TLK2: variants seen among roughly 807,000 people sequenced by gnomAD.
TLK2 encodes the protein tousled like kinase 2.
Under a neutral mutation model 117.3 loss-of-function variants are expected in TLK2, and 6 were observed. The observed-to-expected ratio is 0.05, with a 90% CI of 0.03 to 0.10. The LOEUF (loss-of-function observed/expected upper bound fraction) is 0.10. Ranked by LOEUF, TLK2 falls within the 10% of genes least tolerant of loss-of-function variation. The probability of loss-of-function intolerance (pLI) is 1.00; values close to 1 mark genes in which losing one functional copy is unlikely to be tolerated. For synonymous variants in TLK2, 257 were observed against 316.7 expected, an observed-to-expected ratio of 0.81 and a Z score of 2.00; for missense variants, 299 against 901.2, an observed-to-expected ratio of 0.33 and a Z score of 8.56.
At chr17:62,554,928 C>A (rs1402268314) in intron 9 of TLK2, among the ~76,000 whole-genome samples, 1 of 150,412 alleles carries the variant, frequency 6.6e-6, no homozygotes, top group African/African-American at 2.4e-5. Flanking sequence ...AAAAATGTGT[C>A]ACTCATAATT....
chr17:62,565,211 T>C, intron 11 of TLK2, 74 bp downstream of exon 11: 2 of 1,517,084 alleles, frequency 1.3e-6, no homozygotes, highest in African/African-American at 2.8e-5. Context: ...GTAATTGTAG[T>C]CATTAATAAT....
upstream of TLK2, among the ~76,000 whole-genome samples, chr17:62,474,264 G>C (rs1034313218): frequency 2.0e-4 from 31 of 151,338 alleles, no homozygotes; most frequent in African/African-American, 7.3e-4. Flanking sequence ...ATTTTTAGTA[G>C]AGACGGGGTT....
chr17:62,482,793 G>C (rs868847041), intron 2 of TLK2, among the ~76,000 whole-genome samples: 2 of 152,126 alleles, frequency 1.3e-5, no homozygotes, highest in African/African-American at 4.8e-5. Context: ...TTGAGCACCT[G>C]CTGTATGCTA....
intron 15 of TLK2, among the ~76,000 whole-genome samples, chr17:62,585,399 G>A (rs1343657997): frequency 6.6e-6 from 1 of 152,184 alleles, no homozygotes; most frequent in African/African-American, 2.4e-5. Context: ...TTAGCCGGGC[G>A]TGATGGTGCG....
intron 7 of TLK2, among the ~76,000 whole-genome samples, chr17:62,540,064 T>G (rs1366126212): frequency 6.7e-6 from 1 of 149,976 alleles, no homozygotes; most frequent in Non-Finnish European, 1.5e-5. Flanking sequence ...CTCTTCTTCT[T>G]TCTCCTTTCT....
chr17:62,477,269 C>T (rs1173526397), upstream of TLK2, among the ~76,000 whole-genome samples: 2 of 152,102 alleles, frequency 1.3e-5, no homozygotes, highest in Non-Finnish European at 2.9e-5. Flanking sequence ...TCCATCTTGC[C>T]CTCTTTTCCT....
intron 2 of TLK2, among the ~76,000 whole-genome samples, chr17:62,509,115 G>T (rs1252584810): frequency 6.6e-6 from 1 of 152,024 alleles, no homozygotes; most frequent in African/African-American, 2.4e-5. Flanking sequence ...TCGAGACAGG[G>T]TCTTGCTCTG....
chr17:62,587,510 C>A (rs889514975), intron 16 of TLK2, among the ~76,000 whole-genome samples: 1 of 152,110 alleles, frequency 6.6e-6, no homozygotes, highest in Non-Finnish European at 1.5e-5. Flanking sequence ...CTAGCCTGGT[C>A]CAAGGCAACT....
intron 1 of TLK2, among the ~76,000 whole-genome samples, chr17:62,472,861 G>A (rs3763492): frequency 0.044 from 6,719 of 152,142 alleles, 272 homozygotes; most frequent in South Asian, 0.21. Flanking sequence ...AATTGATTTT[G>A]CCTGATCTGA....
At chr17:62,612,238 T>C in intron 21 of TLK2, 154 bp from the exon 22 acceptor site, 1 of 691,138 alleles carries the variant, frequency 1.4e-6, no homozygotes, top group South Asian at 2.1e-5. Flanking sequence ...CTTGTGTTCT[T>C]TGGGTCTGCC....
At chr17:62,478,213 C>CG (rs2071148506), upstream of TLK2, 1 of 151,828 alleles carries the variant, frequency 6.6e-6, no homozygotes, top group South Asian at 2.1e-4. Context: ...CGGGCGCCTC[C>CG]GGGAAGTCCG....
At chr17:62,570,159 T>G (rs1168198075) in intron 11 of TLK2, among the ~76,000 whole-genome samples, 1 of 152,216 alleles carries the variant, frequency 6.6e-6, no homozygotes, top group Non-Finnish European at 1.5e-5. Flanking sequence ...ATTCACCCTA[T>G]TTCCAAATAA....
chr17:62,603,656 C>G (rs2083039283), intron 19 of TLK2, among the ~76,000 whole-genome samples: 1 of 151,990 alleles, frequency 6.6e-6, no homozygotes, highest in East Asian at 1.9e-4. Context: ...TCAAAGTAGT[C>G]TGTTGGGAGA....
intron 10 of TLK2, among the ~76,000 whole-genome samples, chr17:62,562,535 G>A (rs1171076208): frequency 1.3e-5 from 2 of 151,978 alleles, no homozygotes; most frequent in Non-Finnish European, 2.9e-5. Context: ...ATAAAAATAC[G>A]CAAATGGCAA....
chr17:62,525,927 GAT>G (rs1373616899), intron 6 of TLK2, among the ~76,000 whole-genome samples: 1 of 152,218 alleles, frequency 6.6e-6, no homozygotes, highest in Non-Finnish European at 1.5e-5. Context: ...ATTTGGGACA[GAT>G]ACGTTTTGTA....
chr17:62,545,359 A>T (rs941022313), intron 7 of TLK2, among the ~76,000 whole-genome samples: 1 of 152,354 alleles, frequency 6.6e-6, no homozygotes, highest in Middle Eastern at 3.4e-3. Flanking sequence ...GTGTGTAAAC[A>T]TATTAGCTAA....
intron 11 of TLK2, among the ~76,000 whole-genome samples, chr17:62,571,010 C>T (rs1033847275): frequency 6.6e-6 from 1 of 152,146 alleles, no homozygotes. Context: ...TTCATGGCCC[C>T]TGAAAAGGGT....
At chr17:62,531,090 G>C (rs561619804) in intron 6 of TLK2, among the ~76,000 whole-genome samples, 3 of 152,026 alleles carry the variant, frequency 2.0e-5, no homozygotes, top group African/African-American at 4.8e-5. Flanking sequence ...TCTCTTGCTT[G>C]TGATTTCTTG....
At chr17:62,479,806 C>G (rs1434490285) in intron 1 of TLK2, among the ~76,000 whole-genome samples, 1 of 152,190 alleles carries the variant, frequency 6.6e-6, no homozygotes, top group African/African-American at 2.4e-5. Flanking sequence ...TTTTCCGGGC[C>G]GGGCCTGGGG....
Sources: gnomAD v4.1 joint callset for allele counts (sites outside exome capture counted in the v4.1 genomes callset) on GRCh38, gnomAD v4.1.1 for gene constraint, MANE v1.5 for transcripts, NCBI Gene and HGNC (gene_info 2026-07-23, HGNC 2026-07-21) for gene names.